The following SCN11A variants were observed in gnomAD, a reference collection of about 807,000 sequenced individuals.
SCN11A encodes the protein sodium voltage-gated channel alpha subunit 11.
Under a neutral mutation model 162.2 loss-of-function variants are expected in SCN11A, and 122 were observed. The ratio of observed to expected loss-of-function variants is 0.75; its 90% CI spans 0.65 to 0.87. SCN11A has a LOEUF of 0.87. Ranked by LOEUF, SCN11A falls within the 40% of genes least tolerant of loss-of-function variation. SCN11A has a pLI of 0.00. For synonymous variants in SCN11A, 758 were observed against 751.5 expected (o/e 1.01, Z -0.14); for missense variants, 2,015 against 2,181.6 (o/e 0.92, Z 1.52).
rs202227471 is a variant in SCN11A at position 38,981,446 on chromosome 3, A to G, written c.-279-21023T>C. 9.8e-5 allele frequency among the ~76,000 whole-genome samples: 15 copies of G among 152,300 alleles called. No homozygotes were observed. The East Asian group carries it at 1.5e-3, about 16-fold the overall frequency. On this transcript the variant is annotated intron_variant, in intron 2 of 29. Transcript: ENST00000302328. ...GTGAGGAGAGAAGGACTGAAAAAGC[A>G]GCAACATTGAGCACCAAGGTGGCCA... is the stretch of plus-strand genomic sequence containing the variant.
At chr3:38,949,868 T>C (rs2066574954) in intron 5 of SCN11A, among the ~76,000 whole-genome samples, 1 of 152,160 alleles carries the variant, frequency 6.6e-6, no homozygotes, top group African/African-American at 2.4e-5. Flanking sequence ...CCTTTTGCAG[T>C]CCCTCATCCT....
intron 5 of SCN11A, 39 bp from the exon 6 acceptor site, chr3:38,946,946 TAC>T (rs774253410): frequency 3.4e-5 from 39 of 1,153,800 alleles, no homozygotes; most frequent in Non-Finnish European, 3.4e-5. Flanking sequence ...AACACACACA[TAC>T]ACAACAGGAA....
chr3:38,975,720 C>T (rs1413335689), intron 2 of SCN11A, among the ~76,000 whole-genome samples: 1 of 151,992 alleles, frequency 6.6e-6, no homozygotes. Flanking sequence ...TGTAAAGTGA[C>T]AATACAGTCA....
intron 16 of SCN11A, among the ~76,000 whole-genome samples, chr3:38,902,813 G>A (rs1288964312): frequency 2.0e-5 from 3 of 151,504 alleles, no homozygotes; most frequent in African/African-American, 2.4e-5. Context: ...CACTGTGCTC[G>A]GCTGCAGTGG....
intron 2 of SCN11A, among the ~76,000 whole-genome samples, chr3:38,973,100 A>G (rs1388109040): frequency 1.3e-5 from 2 of 152,222 alleles, no homozygotes; most frequent in Non-Finnish European, 2.9e-5. Context: ...AGGCATTTTT[A>G]TAATTATAGA....
intron 2 of SCN11A, among the ~76,000 whole-genome samples, chr3:39,003,258 A>G (rs1160596142): frequency 6.6e-6 from 1 of 152,056 alleles, no homozygotes; most frequent in African/African-American, 2.4e-5. Context: ...TTTAGCTTCC[A>G]CTTACAGGTG....
In SCN11A at chr3:38,879,951, A is replaced by G; in HGVS notation, c.3392T>C (p.Ile1131Thr). 5.0e-6 allele frequency: 8 copies of G among 1,611,924 alleles called. No homozygotes were observed. Among genetic ancestry groups the G allele is most frequent in the Non-Finnish European group, 6.8e-6 (8 of 1,178,804 alleles). ...AWCCLDFIIVIVSVTTLINLM... is the reference protein window; with the variant it reads ...AWCCLDFIIVTVSVTTLINLM... ...GGGACACAGAGATGGTAAACTTACA[A>G]TCACAATGATGAAATCAAGGCAGCA... Residue 1131 changes from isoleucine (I) to threonine (T), a missense_variant and splice_region_variant, in exon 23 of 30, where the codon ATT (isoleucine) becomes ACT (threonine). Transcript: ENST00000302328.
At chr3:38,849,920 A>G (rs1207265594) in intron 29 of SCN11A, 1 of 152,552 alleles carries the variant, frequency 6.6e-6, no homozygotes, top group African/African-American at 2.4e-5. Flanking sequence ...AACATGGGAT[A>G]TAGAATAGAA....
In SCN11A at chr3:39,021,077, A is replaced by G. The variant is rs541849631; in HGVS notation, c.-280+11303T>C. Among the ~76,000 whole-genome samples the G allele has an allele frequency of 1.5e-4, 23 of 152,154 alleles. 1 individual carries two copies. Among genetic ancestry groups the G allele is most frequent in the Non-Finnish European group, 2.5e-4 (17 of 68,036 alleles). On this transcript the variant is annotated intron_variant, in intron 2 of 29. Coordinates refer to ENST00000302328, the MANE Select transcript of SCN11A (RefSeq NM_001349253.2). ...TAAGCTTATGCACATTAAAATTTTA[A>G]TAAGTTTATTTGAGCATTCAGCTAT...
rs146560458 is a variant in SCN11A, at chr3:38,921,081, G to A, written c.887C>T (p.Ala296Val). ...AAGAAAGGTTGGGTATTTACCATAA[G>A]CTTCCGGGTTACTGATATTTTTACA... ...RDCKNISNPE[A>V]YDHCFEKKEN... The change falls in exon 10 of 30, where the codon GCT (alanine) becomes GTT (valine). Residue 296 changes from alanine to valine, a missense_variant. Transcript: ENST00000302328. The A allele has an allele frequency of 1.9e-6, 3 of 1,613,918 alleles. No individual in the cohort carries two copies. Among genetic ancestry groups the A allele is most frequent in the Non-Finnish European group, 8.5e-7 (1 of 1,179,820 alleles).
intron 2 of SCN11A, among the ~76,000 whole-genome samples, chr3:38,976,670 C>T (rs1175103205): frequency 6.6e-6 from 1 of 152,160 alleles, no homozygotes; most frequent in African/African-American, 2.4e-5. Flanking sequence ...CTGTATTGCA[C>T]ACTTGATCTT....
At chr3:38,978,645 C>CA (rs11316563) in intron 2 of SCN11A, among the ~76,000 whole-genome samples, 50 of 147,206 alleles carry the variant, frequency 3.4e-4, no homozygotes, top group Admixed American at 6.1e-4. Flanking sequence ...GACCCTGTCT[C>CA]AAAAAAAAAA....
intron 14 of SCN11A, among the ~76,000 whole-genome samples, chr3:38,907,349 T>TATA (rs1559523568): frequency 3.0e-4 from 5 of 16,532 alleles, no homozygotes; most frequent in African/African-American, 4.6e-4. Flanking sequence ...TGTGTATATA[T>TATA]CTATATATAC....
At chr3:39,036,888 T>C (rs2031917301) in intron 1 of SCN11A, among the ~76,000 whole-genome samples, 1 of 152,214 alleles carries the variant, frequency 6.6e-6, no homozygotes, top group Non-Finnish European at 1.5e-5. Context: ...TGTAAATTAG[T>C]ACAGCCACTC....
chr3:38,989,103 C>T (rs1395232172), intron 2 of SCN11A, among the ~76,000 whole-genome samples: 1 of 152,136 alleles, frequency 6.6e-6, no homozygotes, highest in Admixed American at 6.5e-5. Context: ...GATGCTCACT[C>T]TGGGGGAAAG....
chr3:39,035,976 C>T (rs990497274), intron 1 of SCN11A, among the ~76,000 whole-genome samples: 9 of 152,242 alleles, frequency 5.9e-5, no homozygotes, highest in African/African-American at 1.9e-4. Flanking sequence ...CTGACTTGGG[C>T]TAGTCCAATC....
At chr3:38,983,730 C>T (rs1413543997) in intron 2 of SCN11A, among the ~76,000 whole-genome samples, 1 of 152,212 alleles carries the variant, frequency 6.6e-6, no homozygotes, top group Admixed American at 6.5e-5. Flanking sequence ...AGTCCTTTGA[C>T]CATCATGACA....
chr3:38,910,276 ACT>A, intron 11 of SCN11A, 69 bp from the exon 12 acceptor site: 1 of 1,509,924 alleles, frequency 6.6e-7, no homozygotes, highest in Non-Finnish European at 9.0e-7. Context: ...CCTTCCAACG[ACT>A]CTGGTTTTTC....
chr3:38,859,567 CA>C (rs2064929257), intron 28 of SCN11A, among the ~76,000 whole-genome samples: 1 of 152,122 alleles, frequency 6.6e-6, no homozygotes, highest in Admixed American at 6.6e-5. Context: ...GATGGATTAA[CA>C]GCTGAATTCT....
Sources: gnomAD v4.1 joint callset for allele counts (sites outside exome capture counted in the v4.1 genomes callset) on GRCh38, gnomAD v4.1.1 for gene constraint, MANE v1.5 for transcripts, NCBI Gene and HGNC (gene_info 2026-07-23, HGNC 2026-07-21) for gene names.